Variants in LARGE1 observed in about 807,000 individuals in gnomAD.
The protein encoded by LARGE1 is xylosyl- and glucuronyltransferase LARGE1.
In LARGE1, 43 loss-of-function variants were observed where a neutral mutation model predicts 87.6. The ratio of observed to expected loss-of-function variants is 0.49; its 90% confidence interval spans 0.38 to 0.63. The LOEUF (loss-of-function observed/expected upper bound fraction) is 0.63, where lower values mean the gene tolerates loss of function less well. LARGE1 is among the 30% of genes least tolerant of loss of function. The pLI, the probability that LARGE1 is intolerant of heterozygous loss-of-function variation, is 0.00. For missense variants in LARGE1, 802 were observed against 1,000.2 expected (o/e 0.80, Z 2.67); for synonymous variants, 434 against 394.6 (o/e 1.10, Z -1.18).
At chr22:33,740,121 G>A (rs1267096934) in intron 2 of LARGE1, among the ~76,000 whole-genome samples, 2 of 152,046 alleles carry the variant, frequency 1.3e-5, no homozygotes, top group East Asian at 1.9e-4. Flanking sequence ...CTTGACCATC[G>A]CTTCCTGGAG....
chr22:33,835,086 T>C (rs2063075302), intron 1 of LARGE1, among the ~76,000 whole-genome samples: 1 of 152,222 alleles, frequency 6.6e-6, no homozygotes, highest in Non-Finnish European at 1.5e-5. Flanking sequence ...ATTCACACAA[T>C]GGCTAGCACT....
At chr22:33,147,878 A>G in the LARGE1 span, among the ~76,000 whole-genome samples, 1 of 152,234 alleles carries the variant, frequency 6.6e-6, no homozygotes, top group Non-Finnish European at 1.5e-5. Context: ...AAGCAAATCT[A>G]TTCCATCAAC....
At chr22:33,880,283 A>G (rs1465376712) in intron 1 of LARGE1, among the ~76,000 whole-genome samples, 1 of 152,212 alleles carries the variant, frequency 6.6e-6, no homozygotes, top group Admixed American at 6.5e-5. Context: ...AGATCAGACG[A>G]AAGAAAGGTC....
chr22:33,291,410 C>T (rs562662835), intron 12 of LARGE1, among the ~76,000 whole-genome samples: 16 of 152,216 alleles, frequency 1.1e-4, no homozygotes, highest in African/African-American at 3.4e-4. Context: ...TATGCATTCT[C>T]CTCTATTCAG....
At chr22:33,419,736 G>A (rs1422346106) in intron 7 of LARGE1, among the ~76,000 whole-genome samples, 2 of 152,118 alleles carry the variant, frequency 1.3e-5, no homozygotes, top group African/African-American at 4.8e-5. Flanking sequence ...TATTGCCCAG[G>A]CTGAAGTGTA....
chr22:33,098,686 G>A, the LARGE1 span, among the ~76,000 whole-genome samples: 1 of 152,154 alleles, frequency 6.6e-6, no homozygotes, highest in African/African-American at 2.4e-5. Context: ...CTTTGAGCTG[G>A]AGGCATTTGT....
the LARGE1 span, among the ~76,000 whole-genome samples, chr22:33,086,995 T>C: frequency 2.0e-5 from 3 of 152,228 alleles, no homozygotes; most frequent in Admixed American, 1.3e-4. Flanking sequence ...GAGGAACTTA[T>C]CAAATTCACC....
At position 33,545,059 on chromosome 22, in the gene LARGE1, G is replaced by A. The variant is rs541978844; in HGVS notation, c.787+19789C>T. On this transcript the variant is annotated intron_variant, in intron 6 of 14. Transcript: ENST00000397394. ...AGAACACAAACACAGTATATCATGAGGAAGCACGTGTTATAGTGAAACATC... is the reference window on the plus strand; with the variant it reads ...AGAACACAAACACAGTATATCATGAAGAAGCACGTGTTATAGTGAAACATC... 3.3e-5 allele frequency among the ~76,000 whole-genome samples: 5 copies of A among 152,224 alleles called. No individual in the cohort carries two copies. In the South Asian group the frequency reaches 1.0e-3, roughly 32 times the overall value.
chr22:33,631,803 T>G (rs749729081), intron 3 of LARGE1, among the ~76,000 whole-genome samples: 1 of 152,224 alleles, frequency 6.6e-6, no homozygotes, highest in African/African-American at 2.4e-5. Context: ...CGCTATAGTT[T>G]TATACAAATG....
At chr22:33,077,170 A>G in the LARGE1 span, among the ~76,000 whole-genome samples, 1 of 152,214 alleles carries the variant, frequency 6.6e-6, no homozygotes, top group Admixed American at 6.5e-5. Flanking sequence ...CCTTTTCAAA[A>G]GGAGATTTAG....
chr22:33,815,117 C>G (rs16993078), intron 1 of LARGE1, among the ~76,000 whole-genome samples: 4,271 of 152,208 alleles, frequency 0.028, 80 homozygotes, highest in Middle Eastern at 0.054. Flanking sequence ...AAAAACAGTC[C>G]AAGGAAGATG....
At chr22:33,208,758 TCTC>T (rs974023482) in intron 11 of LARGE1, among the ~76,000 whole-genome samples, 1 of 152,144 alleles carries the variant, frequency 6.6e-6, no homozygotes, top group African/African-American at 2.4e-5. Context: ...TATGTGATGT[TCTC>T]CTCCCTGTGT....
chr22:33,289,614 T>C (rs1026905692), intron 12 of LARGE1, among the ~76,000 whole-genome samples: 1 of 152,092 alleles, frequency 6.6e-6, no homozygotes. Context: ...GAAGTCAACA[T>C]ACTACTTACA....
chr22:33,338,119 T>C lies in LARGE1; in HGVS notation c.1132-318A>G, dbSNP rs11913784. On this transcript the variant is annotated intron_variant, in intron 9 of 14. Transcript: ENST00000397394. ...GTCATCTCTCAGCCCTAAGATGTGA[T>C]GCTTAGGCCACGACTCTACAAACCC... Among the ~76,000 whole-genome samples the C allele has an allele frequency of 0.039, 5,945 of 152,154 alleles. 190 individuals carry two copies. Among genetic ancestry groups the C allele is most frequent in the African/African-American group, 0.099 (4,124 of 41,500 alleles).
chr22:33,084,864 T>A, the LARGE1 span, among the ~76,000 whole-genome samples: 1 of 152,240 alleles, frequency 6.6e-6, no homozygotes, highest in Admixed American at 6.5e-5. Context: ...CTTTTTATTA[T>A]AACAACATCC....
chr22:33,733,298 A>G (rs1363607760), intron 2 of LARGE1: 4 of 152,222 alleles, frequency 2.6e-5, no homozygotes, highest in Non-Finnish European at 5.9e-5. Flanking sequence ...TTGATATAAA[A>G]TAACTCTTCT....
intron 9 of LARGE1, among the ~76,000 whole-genome samples, chr22:33,366,921 C>T (rs1168195764): frequency 6.6e-6 from 1 of 151,830 alleles, no homozygotes; most frequent in Non-Finnish European, 1.5e-5. Context: ...TTGGAAATGT[C>T]CTTGGATTAA....
intron 6 of LARGE1, among the ~76,000 whole-genome samples, chr22:33,505,008 G>A (rs1447263133): frequency 2.6e-5 from 4 of 152,214 alleles, no homozygotes; most frequent in African/African-American, 4.8e-5. Context: ...CTCAAGCCAT[G>A]GCCAGGGGCA....
At chr22:33,826,320 T>C (rs2062781262) in intron 1 of LARGE1, among the ~76,000 whole-genome samples, 1 of 151,140 alleles carries the variant, frequency 6.6e-6, no homozygotes, top group Non-Finnish European at 1.5e-5. Context: ...CCTTCTCCTA[T>C]GTGTTCAATC....
Sources: allele counts gnomAD v4.1 joint callset (sites outside exome capture counted in the v4.1 genomes callset), GRCh38; gene constraint gnomAD v4.1.1; transcripts MANE v1.5; gene names NCBI Gene and HGNC (gene_info 2026-07-23, HGNC 2026-07-21).